The following OGFOD3 variants were observed in gnomAD, a reference collection of about 807,000 sequenced individuals.
OGFOD3 encodes 2-oxoglutarate and iron-dependent oxygenase domain-containing protein 3.
In OGFOD3, 35 loss-of-function variants were observed where a neutral mutation model predicts 39.8. The observed-to-expected ratio is 0.88, with a 90% CI of 0.67 to 1.17. The LOEUF (loss-of-function observed/expected upper bound fraction) is 1.17. Ranked by LOEUF, OGFOD3 falls within the 50% of genes most tolerant of loss-of-function variation. The pLI is 0.00. For synonymous variants in OGFOD3, 200 were observed against 192.0 expected (o/e 1.04, Z -0.34); for missense variants, 438 against 454.5 (o/e 0.96, Z 0.33).
At chr17:82,401,522 C>T (rs2052763335) in intron 7 of OGFOD3, 1 of 151,988 alleles carries the variant, frequency 6.6e-6, no homozygotes, top group African/African-American at 2.4e-5. Context: ...CAATCTCTCT[C>T]TCCTTCTGAT....
intron 2 of OGFOD3, among the ~76,000 whole-genome samples, chr17:82,414,112 C>G (rs1423153139): frequency 6.6e-6 from 1 of 152,078 alleles, no homozygotes; most frequent in African/African-American, 2.4e-5. Flanking sequence ...TCCATCCTCC[C>G]TCCCTCATTC....
chr17:82,416,160 C>T (rs561386615), intron 1 of OGFOD3, among the ~76,000 whole-genome samples: 1,547 of 152,276 alleles, frequency 0.01, 24 homozygotes, highest in Non-Finnish European at 0.015. Context: ...CATTTGAACC[C>T]GGGAGGTGGA....
At chr17:82,400,295 GT>G (rs113889557) in intron 7 of OGFOD3, among the ~76,000 whole-genome samples, 1,553 of 151,322 alleles carry the variant, frequency 0.01, 28 homozygotes, top group African/African-American at 0.035. Context: ...GCCCCCCGGA[GT>G]CCCCCCTTAA....
chr17:82,416,072 C>A (rs1286951972), intron 1 of OGFOD3, among the ~76,000 whole-genome samples: 40 of 140,350 alleles, frequency 2.9e-4, no homozygotes, highest in Admixed American at 1.2e-3. Context: ...CTACTAAATA[C>A]AAAAAAAAAA....
At position 82,403,908 on chromosome 17, in the gene OGFOD3, ACGCTCACCCTGCCCACGGGCG is replaced by A. The variant is rs755639483; in HGVS notation, c.699+8_699+28del. 1 of 1,538,388 alleles carries A rather than the reference ACGCTCACCCTGCCCACGGGCG, an allele frequency of 6.5e-7. No homozygotes were observed. Among genetic ancestry groups the A allele is most frequent in the African/African-American group, 1.5e-5 (1 of 67,384 alleles). On this transcript the variant is annotated splice_region_variant and intron_variant, in intron 7 of 8. Transcript: ENST00000313056. Reference sequence around the variant, plus strand: ...GGGCACGCTCACCTTGTCCACGGGCACGCTCACCCTGCCCACGGGCGCGCTCACCTTGTCCACGTGCGCATG... The same window carrying A: ...GGGCACGCTCACCTTGTCCACGGGCACGCTCACCTTGTCCACGTGCGCATG...
chr17:82,394,323 A>T, intron 8 of OGFOD3: 1 of 1,531,842 alleles, frequency 6.5e-7, no homozygotes, highest in Non-Finnish European at 8.8e-7. Context: ...TGACTATTAG[A>T]TTATCACCTG....
intron 2 of OGFOD3, among the ~76,000 whole-genome samples, chr17:82,412,387 GGGGCATGGTTATCGGGGCA>G (rs1425294363): frequency 4.5e-5 from 6 of 133,888 alleles, no homozygotes; most frequent in African/African-American, 1.7e-4. Context: ...TATCGGGGCA[GGGGCATGGTTATCGGGGCA>G]GGGGCATGGT....
chr17:82,399,751 G>A (rs1211155303), intron 7 of OGFOD3, among the ~76,000 whole-genome samples: 1 of 152,206 alleles, frequency 6.6e-6, no homozygotes, highest in African/African-American at 2.4e-5. Flanking sequence ...TCACTCAGGG[G>A]TCGCAGCACT....
In OGFOD3 at chr17:82,390,062, T is replaced by C. The variant is rs2052582889; in HGVS notation, c.*2336A>G. On this transcript the variant is annotated 3_prime_UTR_variant, in exon 9 of 9. Coordinates refer to ENST00000313056, the MANE Select transcript of OGFOD3 (RefSeq NM_024648.3). This position sits in a 1 kb window ranked among gnomAD's most constrained non-coding sequence, Gnocchi z 4.9. ...AAATTCTTGCTTTTGCCCAAATATA[T>C]TTCTTTGTCCAAGTATCTCTGTGAT... 6.6e-6 allele frequency: 1 copy of C among 152,126 alleles called. No homozygotes were observed. Among genetic ancestry groups the C allele is most frequent in the African/African-American group, 2.4e-5 (1 of 41,418 alleles). The allele number at this position is 152,126 out of a possible 1,614,324, so 9.4% of individuals were successfully genotyped here.
chr17:82,411,576 G>A (rs968228392), intron 2 of OGFOD3, 46 bp from the exon 3 acceptor site: 36 of 1,521,768 alleles, frequency 2.4e-5, no homozygotes, highest in Non-Finnish European at 3.3e-5. Context: ...AAGGCCACCG[G>A]CGCATGCCCT....
chr17:82,394,714 C>A (rs1405688173), intron 8 of OGFOD3, among the ~76,000 whole-genome samples: 1 of 152,200 alleles, frequency 6.6e-6, no homozygotes, highest in Non-Finnish European at 1.5e-5. Flanking sequence ...TACCAGGGAC[C>A]TAGGGCCACA....
chr17:82,409,197 G>A (rs2143268689), intron 4 of OGFOD3, among the ~76,000 whole-genome samples, 171 bp downstream of exon 4: 1 of 152,352 alleles, frequency 6.6e-6, no homozygotes, highest in Admixed American at 6.5e-5. Context: ...CGCCGCACGG[G>A]TTTCAGTCAG....
At chr17:82,401,661 G>A (rs760189527) in intron 7 of OGFOD3, among the ~76,000 whole-genome samples, 24 of 151,186 alleles carry the variant, frequency 1.6e-4, no homozygotes, top group East Asian at 3.9e-4. Flanking sequence ...AAAATTAGCC[G>A]GCCGCAGTGG....
At position 82,392,730 on chromosome 17, in the gene OGFOD3, GC is replaced by G. The variant is rs1398853642; in HGVS notation, c.824-197del. The G allele has an allele frequency of 2.9e-6, 2 of 688,700 alleles. No homozygotes were observed. Among genetic ancestry groups the G allele is most frequent in the African/African-American group, 1.8e-5 (1 of 55,434 alleles). 42.7% of individuals were successfully genotyped at this position (688,700 alleles called of 1,614,324 possible). A position where few individuals can be genotyped will look rare whatever the true frequency, so the allele number is the denominator to read the frequency against. On this transcript the variant is annotated intron_variant, in intron 8 of 8. Coordinates refer to ENST00000313056, the MANE Select transcript of OGFOD3 (RefSeq NM_024648.3). The surrounding 1 kb of genome is among the most constrained non-coding windows in gnomAD (Gnocchi z 4.2). ...GAAACAAACGCAGCAATGCTCAGGG[GC>G]CCTGTGGCGGAGGAGGGGCCCCCCG...
Position 82,404,021 on chromosome 17 carries a change from C to T in OGFOD3, c.615G>A (p.Leu205=), listed in dbSNP as rs148470007. The T allele has an allele frequency of 1.5e-4, 244 of 1,610,990 alleles. No homozygotes were observed. Among genetic ancestry groups the T allele is most frequent in the Non-Finnish European group, 2.0e-4 (235 of 1,178,846 alleles). ...AFGISASSLH[L]TKPTFFSRIN... ...TGCGGGAGAAGAAGGTGGGCTTGGT[C>T]AGATGCAGCGAGGATGCGCTGATGC... Residue 205 remains leucine, a synonymous_variant, in exon 7 of 9, where the codon CTG becomes CTA. Transcript: ENST00000313056. This position sits in a 1 kb window ranked among gnomAD's most constrained non-coding sequence, Gnocchi z 4.5.
At position 82,392,347 on chromosome 17, in the gene OGFOD3, G is replaced by A. The variant is rs138224299; in HGVS notation, c.*51C>T. The A allele has an allele frequency of 4.1e-3, 6,535 of 1,582,066 alleles. 24 individuals are homozygous for A. The highest frequency in any genetic ancestry group is 5.0e-3 in the Non-Finnish European group (5,829 of 1,165,252). On this transcript the variant is annotated 3_prime_UTR_variant, in exon 9 of 9. Coordinates refer to ENST00000313056, the MANE Select transcript of OGFOD3 (RefSeq NM_024648.3). This position sits in a 1 kb window ranked among gnomAD's most constrained non-coding sequence, Gnocchi z 4.2. Reference sequence around the variant, plus strand: ...ACGTGGGGGTGGGTGCACGACTGGCGCGGCTGCCTCCACACGGGCCCTCCT... The same window carrying A: ...ACGTGGGGGTGGGTGCACGACTGGCACGGCTGCCTCCACACGGGCCCTCCT...
In OGFOD3 at chr17:82,404,270, C is replaced by T. The variant is rs2052817641; in HGVS notation, c.546-180G>A. On this transcript the variant is annotated intron_variant, in intron 6 of 8. Transcript: ENST00000313056. This position sits in a 1 kb window ranked among gnomAD's most constrained non-coding sequence, Gnocchi z 4.5. ...CGCCTGGGAACGACGCGGCCCACAGCCCACGCACAGAGCAGCCAGAGGCAG... is the reference window on the plus strand; with the variant it reads ...CGCCTGGGAACGACGCGGCCCACAGTCCACGCACAGAGCAGCCAGAGGCAG... 6.6e-6 allele frequency among the ~76,000 whole-genome samples: 1 copy of T among 152,196 alleles called. No homozygotes were observed. Among genetic ancestry groups the T allele is most frequent in the Admixed American group, 6.5e-5 (1 of 15,282 alleles).
At position 82,392,286 on chromosome 17, in the gene OGFOD3, A is replaced by C; in HGVS notation, c.*112T>G. The C allele has an allele frequency of 8.5e-7, 1 of 1,183,414 alleles. No homozygotes were observed. The highest frequency in any genetic ancestry group is 1.2e-6 in the Non-Finnish European group (1 of 851,814). 73.3% of individuals were successfully genotyped at this position (1,183,414 alleles called of 1,614,324 possible). A position where few individuals can be genotyped will look rare whatever the true frequency, so the allele number is the denominator to read the frequency against. Reference sequence around the variant, plus strand: ...ACACGTCAGCAAATCAAAATCAGAGAATTCCTAAGGCACTCTGTGCAACAG... The same window carrying C: ...ACACGTCAGCAAATCAAAATCAGAGCATTCCTAAGGCACTCTGTGCAACAG... On this transcript the variant is annotated 3_prime_UTR_variant, in exon 9 of 9. Transcript: ENST00000313056. This position sits in a 1 kb window ranked among gnomAD's most constrained non-coding sequence, Gnocchi z 4.2.
At chr17:82,416,054 C>A (rs2053028475) in intron 1 of OGFOD3, among the ~76,000 whole-genome samples, 1 of 151,710 alleles carries the variant, frequency 6.6e-6, no homozygotes, top group Non-Finnish European at 1.5e-5. Flanking sequence ...CATGGTGAAA[C>A]CCTGTCTCTA....
Sources: gnomAD v4.1 joint callset for allele counts (sites outside exome capture counted in the v4.1 genomes callset) on GRCh38, gnomAD v4.1.1 for gene constraint, Gnocchi (gnomAD v3.1) non-coding constraint, MANE v1.5 for transcripts, NCBI Gene and HGNC (gene_info 2026-07-23, HGNC 2026-07-21) for gene names.